Variants in ROBO1 observed in about 807,000 individuals in gnomAD.
The protein encoded by ROBO1 is roundabout guidance receptor 1.
ROBO1 carries 149 observed loss-of-function variants against 195.9 expected under a neutral mutation model. The observed-to-expected ratio is 0.76, with a 90% confidence interval of 0.67 to 0.87. The LOEUF (loss-of-function observed/expected upper bound fraction) is 0.87, where lower values mean the gene tolerates loss of function less well. Ranked by LOEUF, ROBO1 falls within the 40% of genes least tolerant of loss-of-function variation. The pLI, the probability that ROBO1 is intolerant of heterozygous loss-of-function variation, is 0.00. For synonymous variants in ROBO1, 816 were observed against 733.2 expected (o/e 1.11, Z -1.82); for missense variants, 1,933 against 2,068.3 (o/e 0.93, Z 1.27).
intron 5 of ROBO1, among the ~76,000 whole-genome samples, chr3:78,727,810 TAGAG>T (rs1171712813): frequency 3.3e-5 from 5 of 152,298 alleles, no homozygotes; most frequent in East Asian, 1.9e-4. Context: ...AAATCATTGA[TAGAG>T]AGAAACTTAT....
chr3:79,520,547 C>T (rs1941165188), intron 2 of ROBO1, among the ~76,000 whole-genome samples: 1 of 152,106 alleles, frequency 6.6e-6, no homozygotes, highest in Non-Finnish European at 1.5e-5. Flanking sequence ...AAGTGTTATT[C>T]AGTTATATTT....
intron 1 of ROBO1, among the ~76,000 whole-genome samples, chr3:79,743,199 G>T (rs1703722422): frequency 6.6e-6 from 1 of 152,218 alleles, no homozygotes; most frequent in African/African-American, 2.4e-5. Context: ...CAAACCTGGA[G>T]GTATAGCCTA....
chr3:78,866,933 A>G (rs2035219738), intron 4 of ROBO1, among the ~76,000 whole-genome samples: 1 of 152,228 alleles, frequency 6.6e-6, no homozygotes, highest in Non-Finnish European at 1.5e-5. Context: ...GGAGAGTTTT[A>G]GACTGTAATA....
chr3:79,450,448 T>C (rs2039405449), intron 2 of ROBO1, among the ~76,000 whole-genome samples: 1 of 152,016 alleles, frequency 6.6e-6, no homozygotes, highest in Non-Finnish European at 1.5e-5. Flanking sequence ...TCTGAATATA[T>C]CCAGTCTGAA....
chr3:78,676,121 T>G (rs1006699232), intron 10 of ROBO1, among the ~76,000 whole-genome samples: 4 of 152,188 alleles, frequency 2.6e-5, no homozygotes, highest in African/African-American at 7.2e-5. Context: ...GGGTCCTGTC[T>G]GTTAGAAGGA....
At chr3:79,464,574 T>C (rs773575851) in intron 2 of ROBO1, among the ~76,000 whole-genome samples, 1 of 152,218 alleles carries the variant, frequency 6.6e-6, no homozygotes, top group African/African-American at 2.4e-5. Flanking sequence ...AAAACATCTA[T>C]TCAGATCCTT....
intron 4 of ROBO1, among the ~76,000 whole-genome samples, chr3:78,817,051 G>C (rs958783999): frequency 2.0e-5 from 3 of 152,152 alleles, no homozygotes; most frequent in African/African-American, 7.2e-5. Context: ...GGCAAGGTTT[G>C]AGAGGGTTAA....
At chr3:79,557,743 A>AAAAAATATATATATATATATATAT (rs1472319919) in intron 2 of ROBO1, among the ~76,000 whole-genome samples, 2 of 130,836 alleles carry the variant, frequency 1.5e-5, no homozygotes, top group African/African-American at 6.1e-5. Flanking sequence ...AACAAAAAAA[A>AAAAAATATATATATATATATATAT]ATATATATAT....
At chr3:78,689,124 G>T (rs1008696578) in intron 8 of ROBO1, among the ~76,000 whole-genome samples, 1 of 152,124 alleles carries the variant, frequency 6.6e-6, no homozygotes, top group African/African-American at 2.4e-5. Context: ...AGGTGAATGA[G>T]CTTTAATCAT....
At chr3:78,848,168 T>C (rs1368037979) in intron 4 of ROBO1, among the ~76,000 whole-genome samples, 1 of 152,292 alleles carries the variant, frequency 6.6e-6, no homozygotes, top group Admixed American at 6.5e-5. Flanking sequence ...AACTGGCCTA[T>C]TAGCTATCTT....
At chr3:79,531,088 G>T (rs1213191775) in intron 2 of ROBO1, among the ~76,000 whole-genome samples, 1 of 151,996 alleles carries the variant, frequency 6.6e-6, no homozygotes, top group Non-Finnish European at 1.5e-5. Flanking sequence ...TCTTTGACTT[G>T]GTTGGTAGCT....
intron 2 of ROBO1, among the ~76,000 whole-genome samples, chr3:79,234,842 G>A (rs2082380644): frequency 6.6e-6 from 1 of 152,034 alleles, no homozygotes; most frequent in Admixed American, 6.6e-5. Context: ...AGGGAGAAGG[G>A]TAACAACTGA....
chr3:79,690,626 T>C (rs983492904), intron 1 of ROBO1, among the ~76,000 whole-genome samples: 3 of 151,990 alleles, frequency 2.0e-5, no homozygotes, highest in South Asian at 2.1e-4. Context: ...ACAGTGGCAA[T>C]AGAAAACTAA....
chr3:78,982,811 G>T (rs769844570), intron 3 of ROBO1, among the ~76,000 whole-genome samples: 1 of 152,010 alleles, frequency 6.6e-6, no homozygotes, highest in African/African-American at 2.4e-5. Context: ...TAGAGATGGG[G>T]TTTCACCATG....
intron 3 of ROBO1, among the ~76,000 whole-genome samples, chr3:78,971,853 C>A (rs553524032): frequency 6.6e-6 from 1 of 152,142 alleles, no homozygotes; most frequent in East Asian, 1.9e-4. Flanking sequence ...ACAACCTTCG[C>A]CTCCTGGGCT....
intron 3 of ROBO1, among the ~76,000 whole-genome samples, chr3:78,959,719 T>G (rs1341743942): frequency 6.6e-6 from 1 of 152,114 alleles, no homozygotes; most frequent in Non-Finnish European, 1.5e-5. Context: ...CACTATGTGA[T>G]CAACAAGAGA....
At chr3:79,145,968 T>G (rs1321388218) in intron 2 of ROBO1, among the ~76,000 whole-genome samples, 2 of 151,826 alleles carry the variant, frequency 1.3e-5, no homozygotes, top group Non-Finnish European at 2.9e-5. Context: ...ATAGTTGGTG[T>G]GCTTGGCTCA....
At chr3:78,930,214 T>C (rs927197921) in intron 4 of ROBO1, among the ~76,000 whole-genome samples, 1 of 152,192 alleles carries the variant, frequency 6.6e-6, no homozygotes, top group African/African-American at 2.4e-5. Flanking sequence ...TGTGGCACTA[T>C]GATGCTTATG....
At chr3:79,428,787 T>A (rs2107005390) in intron 2 of ROBO1, among the ~76,000 whole-genome samples, 1 of 151,994 alleles carries the variant, frequency 6.6e-6, no homozygotes, top group African/African-American at 2.4e-5. Context: ...TATTAAAAAA[T>A]AATTTTAAGA....
Sources: allele counts gnomAD v4.1 joint callset (sites outside exome capture counted in the v4.1 genomes callset), GRCh38; gene constraint gnomAD v4.1.1; transcripts MANE v1.5; gene names NCBI Gene and HGNC (gene_info 2026-07-23, HGNC 2026-07-21).